The following EPHB1 variants were observed in gnomAD, a reference collection of about 807,000 sequenced individuals.
EPHB1 encodes the protein EPH receptor B1.
EPHB1 carries 30 observed loss-of-function variants against 94.4 expected under a neutral mutation model. That is an observed-to-expected ratio of 0.32 (90% CI 0.24 to 0.43). The LOEUF is 0.43. EPHB1 is among the 20% of genes least tolerant of loss of function. EPHB1 has a pLI of 1.00. For synonymous variants in EPHB1, 522 were observed against 489.1 expected (o/e 1.07, Z -0.89); for missense variants, 1,055 against 1,308.3 (o/e 0.81, Z 2.99).
chr3:135,095,444 C>T (rs976451478), intron 3 of EPHB1, among the ~76,000 whole-genome samples: 1 of 152,190 alleles, frequency 6.6e-6, no homozygotes, highest in African/African-American at 2.4e-5. Flanking sequence ...TCCATTATCA[C>T]CTTTTGTGGG....
intron 1 of EPHB1, among the ~76,000 whole-genome samples, chr3:134,870,235 C>G (rs2037470882): frequency 6.6e-6 from 1 of 152,134 alleles, no homozygotes; most frequent in Non-Finnish European, 1.5e-5. Context: ...CGGCCCACAT[C>G]TAGACCTGAT....
intron 1 of EPHB1, among the ~76,000 whole-genome samples, chr3:134,888,320 A>G (rs2037899082): frequency 6.6e-6 from 1 of 152,172 alleles, no homozygotes; most frequent in Admixed American, 6.5e-5. Flanking sequence ...CCAAGCCATG[A>G]GGGAGGGGGA....
intron 5 of EPHB1, among the ~76,000 whole-genome samples, chr3:135,149,285 A>G (rs933656268): frequency 6.6e-6 from 1 of 152,216 alleles, no homozygotes; most frequent in Non-Finnish European, 1.5e-5. Context: ...ATTTATTCAA[A>G]ACCTTTATGT....
intron 15 of EPHB1, among the ~76,000 whole-genome samples, chr3:135,256,862 C>T (rs1042359798): frequency 2.7e-5 from 4 of 150,826 alleles, no homozygotes; most frequent in East Asian, 3.9e-4. Flanking sequence ...ACCAATCAGA[C>T]GTAGATTTGG....
intron 2 of EPHB1, among the ~76,000 whole-genome samples, chr3:134,926,854 G>C (rs1240624605): frequency 6.6e-6 from 1 of 152,190 alleles, no homozygotes; most frequent in East Asian, 1.9e-4. Context: ...TGTGACAAAA[G>C]AATCAAGTTA....
intron 3 of EPHB1, among the ~76,000 whole-genome samples, chr3:134,959,373 C>A (rs1933412621): frequency 6.6e-6 from 1 of 152,196 alleles, no homozygotes; most frequent in Admixed American, 6.5e-5. Flanking sequence ...GGGATTAGAA[C>A]TCAGGTCTAG....
chr3:135,044,233 C>G lies in EPHB1; in HGVS notation c.806-62215C>G, dbSNP rs139583257. On this transcript the variant is annotated intron_variant, in intron 3 of 15. Coordinates refer to ENST00000398015, the MANE Select transcript of EPHB1 (RefSeq NM_004441.5). Reference sequence around the variant, plus strand: ...TGATGCTTTGTGGGGAGTCTGGTGGCTGCATTGTTACTGTAGCAGATAAAG... The same window carrying G: ...TGATGCTTTGTGGGGAGTCTGGTGGGTGCATTGTTACTGTAGCAGATAAAG... Among the ~76,000 whole-genome samples, 15 of 152,266 alleles carry G rather than the reference C, an allele frequency of 9.9e-5. No individual in the cohort carries two copies. In the East Asian group the frequency reaches 2.7e-3, roughly 27 times the overall value.
At chr3:134,798,537 T>C (rs1024606554) in intron 1 of EPHB1, among the ~76,000 whole-genome samples, 1 of 152,164 alleles carries the variant, frequency 6.6e-6, no homozygotes, top group Non-Finnish European at 1.5e-5. Context: ...GAGATGCCAC[T>C]ACAAGGAAAA....
In EPHB1 at chr3:135,128,559, C is replaced by A. The variant is rs758330352; in HGVS notation, c.962-4155C>A. ...CCTGGCTTGCCAGCCCTGGAGCGGG[C>A]CTCATGGGAATAAGAGACAGACAGA... On this transcript the variant is annotated intron_variant, in intron 4 of 15. Coordinates refer to ENST00000398015, the MANE Select transcript of EPHB1 (RefSeq NM_004441.5). Among the ~76,000 whole-genome samples the A allele has an allele frequency of 2.2e-4, 33 of 152,210 alleles. 1 individual carries two copies. Among genetic ancestry groups the A allele is most frequent in the Non-Finnish European group, 4.1e-4 (28 of 68,040 alleles).
intron 3 of EPHB1, among the ~76,000 whole-genome samples, chr3:134,986,762 A>G (rs1380620398): frequency 1.3e-5 from 2 of 148,256 alleles, no homozygotes; most frequent in African/African-American, 4.9e-5. Flanking sequence ...CAAAAACAAG[A>G]GACCTATTTT....
intron 3 of EPHB1, among the ~76,000 whole-genome samples, chr3:135,093,403 A>G (rs1245893964): frequency 6.6e-6 from 1 of 152,138 alleles, no homozygotes; most frequent in African/African-American, 2.4e-5. Context: ...CTACTATTTG[A>G]AAAAATCTTC....
At chr3:135,251,231 A>AAAAT (rs1389940372) in intron 15 of EPHB1, among the ~76,000 whole-genome samples, 1 of 152,222 alleles carries the variant, frequency 6.6e-6, no homozygotes, top group Non-Finnish European at 1.5e-5. Flanking sequence ...ATAGACAGCA[A>AAAAT]AAATAAATAA....
intron 3 of EPHB1, among the ~76,000 whole-genome samples, chr3:135,075,464 C>CA (rs1456791251): frequency 3.9e-5 from 6 of 152,202 alleles, no homozygotes; most frequent in African/African-American, 1.4e-4. Context: ...GCAACCCAAG[C>CA]ACCCAGGTAG....
chr3:135,030,864 G>T (rs1936422580), intron 3 of EPHB1, among the ~76,000 whole-genome samples: 1 of 152,188 alleles, frequency 6.6e-6, no homozygotes, highest in South Asian at 2.1e-4. Flanking sequence ...TGCTGTGCTA[G>T]CAATCAGCGA....
chr3:134,929,175 C>G (rs16842278), intron 2 of EPHB1, among the ~76,000 whole-genome samples: 4,014 of 152,164 alleles, frequency 0.026, 120 homozygotes, highest in African/African-American at 0.074. Flanking sequence ...GTTGAAATAG[C>G]AAGACAGAGA....
chr3:135,220,212 G>A (rs1000520088), intron 12 of EPHB1, among the ~76,000 whole-genome samples: 3 of 152,212 alleles, frequency 2.0e-5, no homozygotes, highest in African/African-American at 7.2e-5. Flanking sequence ...GGGAAAGAGA[G>A]CAGCTGAGTG....
At chr3:134,871,366 G>A (rs2037495401) in intron 1 of EPHB1, among the ~76,000 whole-genome samples, 1 of 152,076 alleles carries the variant, frequency 6.6e-6, no homozygotes, top group African/African-American at 2.4e-5. Flanking sequence ...TAGGCTGGGA[G>A]GGCACCTGGG....
chr3:134,846,764 T>A (rs939381114), intron 1 of EPHB1, among the ~76,000 whole-genome samples: 23 of 152,044 alleles, frequency 1.5e-4, no homozygotes, highest in African/African-American at 5.6e-4. Context: ...GATGCTCAGG[T>A]GGGATGGACC....
Position 135,086,158 on chromosome 3 carries a change from G to A in EPHB1, c.806-20290G>A, listed in dbSNP as rs557178527. On this transcript the variant is annotated intron_variant, in intron 3 of 15. Coordinates refer to ENST00000398015, the MANE Select transcript of EPHB1 (RefSeq NM_004441.5). ...CAGACAGATATGTGGGGGGTGGTAGGAGGGCATCCATGTTAGGGTTAGGAA... is the reference window on the plus strand; with the variant it reads ...CAGACAGATATGTGGGGGGTGGTAGAAGGGCATCCATGTTAGGGTTAGGAA... Among the ~76,000 whole-genome samples, 8 of 152,220 alleles carry A rather than the reference G, an allele frequency of 5.3e-5. No homozygotes were observed. The East Asian group carries it at 1.6e-3, about 30-fold the overall frequency.
Sources: gnomAD v4.1 joint callset for allele counts (sites outside exome capture counted in the v4.1 genomes callset) on GRCh38, gnomAD v4.1.1 for gene constraint, MANE v1.5 for transcripts, NCBI Gene and HGNC (gene_info 2026-07-23, HGNC 2026-07-21) for gene names.